CRACD: variants seen among roughly 807,000 people sequenced by gnomAD.
CRACD encodes capping protein inhibiting regulator of actin dynamics.
A neutral mutation model predicts 106.8 loss-of-function variants in CRACD; 56 were observed. That is an observed-to-expected ratio of 0.52 (90% CI 0.42 to 0.66). The LOEUF is 0.66. Among genes scored for constraint, CRACD ranks in the 30% least tolerant of loss-of-function variants. CRACD has a pLI of 0.00. For missense variants in CRACD, 1,730 were observed against 1,623.2 expected (o/e 1.07, Z -1.13); for synonymous variants, 754 against 670.8 (o/e 1.12, Z -1.92).
chr4:56,136,881 G>C (rs1367229887), intron 1 of CRACD, among the ~76,000 whole-genome samples: 1 of 152,166 alleles, frequency 6.6e-6, no homozygotes, highest in Admixed American at 6.5e-5. Flanking sequence ...TTTATAGTTT[G>C]AGTTCTTTCA....
At chr4:56,283,585 T>C (rs2088292414) in intron 3 of CRACD, among the ~76,000 whole-genome samples, 1 of 152,150 alleles carries the variant, frequency 6.6e-6, no homozygotes, top group Admixed American at 6.5e-5. Context: ...CCTAGGACTT[T>C]GACTTGGCAG....
At chr4:56,244,745 G>A (rs2109571420) in intron 2 of CRACD, among the ~76,000 whole-genome samples, 1 of 152,316 alleles carries the variant, frequency 6.6e-6, no homozygotes, top group African/African-American at 2.4e-5. Flanking sequence ...GGGCCTCCAG[G>A]ACCCTGCCCA....
intron 4 of CRACD, among the ~76,000 whole-genome samples, chr4:56,302,235 C>CT (rs1744410152): frequency 6.6e-6 from 1 of 152,174 alleles, no homozygotes; most frequent in African/African-American, 2.4e-5. Flanking sequence ...AAGCTTCGCA[C>CT]TTCGTTGCAT....
chr4:56,314,410 C>CCGAGCGGAGGGAGCGGAG lies in CRACD; in HGVS notation c.908_909insCGAGCGGAGGGAGCGGAG (p.Arg308_Glu309insArgGluArgArgGluArg), dbSNP rs1553920290. The CCGAGCGGAGGGAGCGGAG allele has an allele frequency of 1.4e-5, 21 of 1,540,992 alleles. No homozygotes were observed. Among genetic ancestry groups the CCGAGCGGAGGGAGCGGAG allele is most frequent in the Non-Finnish European group, 1.7e-5 (20 of 1,143,564 alleles). On this transcript the variant is annotated inframe_insertion, in exon 8 of 11. Coordinates refer to ENST00000682029, the MANE Select transcript of CRACD (RefSeq NM_001393381.1). The surrounding 1 kb of genome is among the most constrained non-coding windows in gnomAD (Gnocchi z 4.4). ...CTGGAAGCGCCAGGTTGGGAGGACG[C>CCGAGCGGAGGGAGCGGAG]GGAGCGGAGGGAGCGTGAGGAGCGC...
intron 1 of CRACD, among the ~76,000 whole-genome samples, chr4:56,157,299 C>G (rs1735794872): frequency 6.6e-6 from 1 of 152,134 alleles, no homozygotes; most frequent in South Asian, 2.1e-4. Context: ...AAAATCCCAT[C>G]TCTACAAAAA....
At chr4:56,083,316 G>A (rs1733099334) in intron 1 of CRACD, among the ~76,000 whole-genome samples, 1 of 152,122 alleles carries the variant, frequency 6.6e-6, no homozygotes, top group Admixed American at 6.6e-5. Context: ...GTTGAATAAT[G>A]GCCAGAAAAA....
intron 4 of CRACD, 92 bp from the exon 5 acceptor site, chr4:56,307,443 C>A: frequency 2.5e-5 from 32 of 1,262,014 alleles, no homozygotes; most frequent in Non-Finnish European, 3.6e-5. Context: ...CAAGGTATGC[C>A]TCAGTGCTCA....
intron 1 of CRACD, among the ~76,000 whole-genome samples, chr4:56,127,020 G>C (rs1734681230): frequency 6.6e-6 from 1 of 152,184 alleles, no homozygotes; most frequent in Admixed American, 6.5e-5. Flanking sequence ...GACAGTGTTG[G>C]GAGATGGGGC....
chr4:56,251,177 A>T (rs1242507924), intron 2 of CRACD, among the ~76,000 whole-genome samples: 1 of 152,200 alleles, frequency 6.6e-6, no homozygotes, highest in Non-Finnish European at 1.5e-5. Context: ...GGAATAGAGT[A>T]TGCCTTGACC....
At chr4:56,051,307 A>G (rs540462362) in intron 1 of CRACD, among the ~76,000 whole-genome samples, 38 of 152,336 alleles carry the variant, frequency 2.5e-4, no homozygotes, top group African/African-American at 8.7e-4. Flanking sequence ...TGTGCCAACA[A>G]CTGTGTAGAG....
intron 8 of CRACD, among the ~76,000 whole-genome samples, chr4:56,317,853 T>C (rs1212494563): frequency 1.3e-5 from 2 of 149,486 alleles, no homozygotes; most frequent in Admixed American, 6.9e-5. Context: ...TTTCTTCAGA[T>C]TAAATGTTTG....
intron 2 of CRACD, among the ~76,000 whole-genome samples, chr4:56,186,850 C>G (rs1248115891): frequency 2.0e-5 from 3 of 152,178 alleles, no homozygotes; most frequent in South Asian, 2.1e-4. Context: ...CTGCATGAGC[C>G]CAGGAGTTCA....
chr4:56,203,463 G>C (rs775205113), intron 2 of CRACD, among the ~76,000 whole-genome samples: 5 of 152,144 alleles, frequency 3.3e-5, no homozygotes, highest in Non-Finnish European at 7.4e-5. Context: ...GATGGACCCT[G>C]GGTGCTCTGC....
At chr4:56,233,414 GT>G (rs1056442825) in intron 2 of CRACD, among the ~76,000 whole-genome samples, 22 of 149,584 alleles carry the variant, frequency 1.5e-4, no homozygotes, top group Non-Finnish European at 2.4e-4. Context: ...GGAATATACA[GT>G]TTTTTTTTTA....
At chr4:56,264,584 C>T (rs942189782) in intron 2 of CRACD, among the ~76,000 whole-genome samples, 4 of 152,324 alleles carry the variant, frequency 2.6e-5, no homozygotes, top group South Asian at 2.1e-4. Flanking sequence ...AACAAACACA[C>T]ATGCTTTACA....
intron 3 of CRACD, among the ~76,000 whole-genome samples, chr4:56,277,293 G>A (rs1195419853): frequency 6.6e-6 from 1 of 152,078 alleles, no homozygotes; most frequent in East Asian, 1.9e-4. Context: ...TAAGTAACAT[G>A]ACCAAATGGG....
intron 1 of CRACD, among the ~76,000 whole-genome samples, chr4:56,148,626 A>T (rs1237120563): frequency 6.6e-6 from 1 of 152,128 alleles, no homozygotes; most frequent in Non-Finnish European, 1.5e-5. Context: ...TTCCCCAATG[A>T]CTAATGATGT....
At chr4:56,284,313 A>G (rs1743206490) in intron 3 of CRACD, among the ~76,000 whole-genome samples, 1 of 150,530 alleles carries the variant, frequency 6.6e-6, no homozygotes, top group African/African-American at 2.5e-5. Context: ...AAAAAAAAAA[A>G]AAAAATTGCT....
At chr4:56,305,988 A>G (rs1744669489) in intron 4 of CRACD, among the ~76,000 whole-genome samples, 2 of 152,178 alleles carry the variant, frequency 1.3e-5, no homozygotes, top group Admixed American at 1.3e-4. Flanking sequence ...CAAATTTATG[A>G]GCACCAGTGG....
Sources: allele counts gnomAD v4.1 joint callset (sites outside exome capture counted in the v4.1 genomes callset), GRCh38; gene constraint gnomAD v4.1.1; non-coding constraint Gnocchi (gnomAD v3.1); transcripts MANE v1.5; gene names NCBI Gene and HGNC (gene_info 2026-07-23, HGNC 2026-07-21).